Variants in CRYZL1 observed in about 807,000 individuals in gnomAD.
The protein encoded by CRYZL1 is crystallin zeta like 1.
Under a neutral mutation model 50.6 loss-of-function variants are expected in CRYZL1, and 34 were observed. The observed-to-expected ratio is 0.67, with a 90% CI of 0.51 to 0.89. The LOEUF (loss-of-function observed/expected upper bound fraction) is 0.89. CRYZL1 is among the 40% of genes least tolerant of loss of function. The pLI, the probability that CRYZL1 is intolerant of heterozygous loss-of-function variation, is 0.00. For synonymous variants in CRYZL1, 125 were observed against 134.3 expected (o/e 0.93, Z 0.48); for missense variants, 354 against 402.3 (o/e 0.88, Z 1.03).
chr21:33,612,287 A>AT (rs890783134), intron 6 of CRYZL1, among the ~76,000 whole-genome samples: 3,169 of 138,700 alleles, frequency 0.023, 48 homozygotes, highest in Non-Finnish European at 0.031. Context: ...TGGGATGGTC[A>AT]TTTTTTTTTT....
chr21:33,636,918 T>C (rs1403171359), intron 1 of CRYZL1, among the ~76,000 whole-genome samples: 1 of 152,168 alleles, frequency 6.6e-6, no homozygotes, highest in Non-Finnish European at 1.5e-5. Context: ...GCCATTCTCC[T>C]GTTTCAGCTT....
In CRYZL1 at chr21:33,612,247, G is replaced by A. The variant is rs2086879742; in HGVS notation, c.331+1291C>T. 4.6e-5 allele frequency among the ~76,000 whole-genome samples: 7 copies of A among 151,166 alleles called. No homozygotes were observed. In the South Asian group the frequency reaches 1.5e-3, roughly 31 times the overall value. On this transcript the variant is annotated intron_variant, in intron 6 of 12. Transcript: ENST00000381554. ...CAACTTACACTCCAGCACATGAAAG[G>A]TTCCATCATTCCACATCCTTCCCAC... is the stretch of plus-strand genomic sequence containing the variant.
chr21:33,641,315 A>C, intron 1 of CRYZL1: 1 of 1,543,834 alleles, frequency 6.5e-7, no homozygotes. Context: ...GCTGAGAAGA[A>C]GTAACAGAGA....
At chr21:33,624,051 A>G (rs1456242967) in intron 3 of CRYZL1, among the ~76,000 whole-genome samples, 1 of 152,144 alleles carries the variant, frequency 6.6e-6, no homozygotes, top group Non-Finnish European at 1.5e-5. Flanking sequence ...TTCCTTAATA[A>G]TAGGCTTTGT....
chr21:33,641,410 C>A, intron 1 of CRYZL1: 3 of 1,341,096 alleles, frequency 2.2e-6, no homozygotes, highest in Non-Finnish European at 3.0e-6. Context: ...CACTCCCAGA[C>A]CTCTGCCTCC....
intron 6 of CRYZL1, among the ~76,000 whole-genome samples, chr21:33,606,421 T>C (rs1219472607): frequency 6.6e-6 from 1 of 150,450 alleles, no homozygotes; most frequent in East Asian, 2.0e-4. Flanking sequence ...AGGTCAGGAG[T>C]TTGAGACTAG....
At chr21:33,621,970 A>G (rs2087007954) in intron 4 of CRYZL1, 26 bp downstream of exon 4, 1 of 1,484,278 alleles carries the variant, frequency 6.7e-7, no homozygotes, top group Non-Finnish European at 9.3e-7. Flanking sequence ...GAAAATAAAT[A>G]CATATACTCA....
intron 12 of CRYZL1, among the ~76,000 whole-genome samples, chr21:33,590,399 A>G (rs1447265438): frequency 6.6e-6 from 1 of 151,816 alleles, no homozygotes; most frequent in African/African-American, 2.4e-5. Context: ...TTGAAGGAAA[A>G]AAATTATCTA....
chr21:33,617,807 C>T (rs779567812), intron 4 of CRYZL1, among the ~76,000 whole-genome samples: 3 of 152,134 alleles, frequency 2.0e-5, no homozygotes, highest in Non-Finnish European at 1.5e-5. Context: ...TAACCAGGCC[C>T]AGGGCGTGGC....
At chr21:33,621,380 C>T (rs1406957980) in intron 4 of CRYZL1, among the ~76,000 whole-genome samples, 6 of 150,770 alleles carry the variant, frequency 4.0e-5, no homozygotes, top group Non-Finnish European at 4.4e-5. Context: ...TCGCACTTGT[C>T]GCCCAGGCTG....
At chr21:33,626,393 C>T (rs892006990) in intron 2 of CRYZL1, among the ~76,000 whole-genome samples, 1 of 152,048 alleles carries the variant, frequency 6.6e-6, no homozygotes, top group African/African-American at 2.4e-5. Flanking sequence ...GATTCCACTT[C>T]TAGATAGAAA....
chr21:33,612,209 A>G (rs553606998), intron 6 of CRYZL1, among the ~76,000 whole-genome samples: 1 of 152,296 alleles, frequency 6.6e-6, no homozygotes, highest in East Asian at 1.9e-4. Context: ...ATTGTTTTCT[A>G]ACATATTTGT....
intron 10 of CRYZL1, among the ~76,000 whole-genome samples, chr21:33,596,920 T>C (rs1439584132): frequency 6.6e-6 from 1 of 150,668 alleles, no homozygotes; most frequent in Admixed American, 6.7e-5. Context: ...TGGTGTGGAG[T>C]GGCGCAATCT....
intron 2 of CRYZL1, among the ~76,000 whole-genome samples, chr21:33,628,569 C>A (rs994600455): frequency 6.0e-5 from 9 of 150,136 alleles, no homozygotes; most frequent in Admixed American, 6.0e-4. Flanking sequence ...TTTTTTATAG[C>A]TATTATAAAT....
chr21:33,599,057 G>A, intron 9 of CRYZL1, 93 bp downstream of exon 9: 3 of 1,054,148 alleles, frequency 2.8e-6, no homozygotes, highest in Non-Finnish European at 4.2e-6. Flanking sequence ...GGTTTAATAA[G>A]TGCATTAATA....
At chr21:33,639,825 A>ATTT (rs35747923) in intron 1 of CRYZL1, 187 of 133,986 alleles carry the variant, frequency 1.4e-3, no homozygotes, top group Non-Finnish European at 2.4e-3. Context: ...ATAGATGTGT[A>ATTT]TTTTTTTTTT....
chr21:33,626,658 C>T (rs1214299679), intron 2 of CRYZL1, among the ~76,000 whole-genome samples: 2 of 150,472 alleles, frequency 1.3e-5, no homozygotes, highest in Non-Finnish European at 1.5e-5. Context: ...TATTGTGCCA[C>T]TGCACTCCAG....
At position 33,589,456 on chromosome 21, in the gene CRYZL1, GTTACT is replaced by G. The variant is rs2086619142; in HGVS notation, c.*361_*365del. The G allele has an allele frequency of 2.9e-6, 1 of 341,856 alleles. No individual in the cohort carries two copies. Among genetic ancestry groups the G allele is most frequent in the Non-Finnish European group, 5.2e-6 (1 of 190,904 alleles). The allele number at this position is 341,856 out of a possible 1,614,324, so 21.2% of individuals were successfully genotyped here. On this transcript the variant is annotated 3_prime_UTR_variant, in exon 13 of 13. Transcript: ENST00000381554. ...AACGGAGTTGATACAAAATTAATAC[GTTACT>G]TTGATAGCTTAGCAAAGGCCTGCAA...
chr21:33,601,665 C>T (rs2086757871), intron 8 of CRYZL1, among the ~76,000 whole-genome samples: 1 of 152,132 alleles, frequency 6.6e-6, no homozygotes, highest in African/African-American at 2.4e-5. Context: ...GCCTGTAATT[C>T]CAGCACTTTG....
Sources: gnomAD v4.1 joint callset for allele counts (sites outside exome capture counted in the v4.1 genomes callset) on GRCh38, gnomAD v4.1.1 for gene constraint, MANE v1.5 for transcripts, NCBI Gene and HGNC (gene_info 2026-07-23, HGNC 2026-07-21) for gene names.